The following HECW2 variants were observed in gnomAD, a reference collection of about 807,000 sequenced individuals.
The protein encoded by HECW2 is HECT, C2 and WW domain containing E3 ubiquitin protein ligase 2, also known as E3 ubiquitin-protein ligase HECW2.
A neutral mutation model predicts 175.2 loss-of-function variants in HECW2; 61 were observed. That is an observed-to-expected ratio of 0.35 (90% confidence interval 0.28 to 0.43). HECW2 has a LOEUF of 0.43. Among genes scored for constraint, HECW2 ranks in the 20% least tolerant of loss-of-function variants. The pLI, the probability that HECW2 is intolerant of heterozygous loss-of-function variation, is 1.00. For synonymous variants in HECW2, 671 were observed against 731.0 expected (o/e 0.92, Z 1.32); for missense variants, 1,524 against 2,000.5 (o/e 0.76, Z 4.54).
In HECW2 at chr2:196,228,108, T is replaced by C. The variant is rs1272408694; in HGVS notation, c.3911A>G (p.His1304Arg). The change falls in exon 22 of 29, where the codon CAT becomes CGT. Residue 1304 changes from histidine to arginine, a missense_variant. By Grantham distance (29) the His-to-Arg change is conservative. Coordinates refer to ENST00000644978, the MANE Select transcript of HECW2 (RefSeq NM_001348768.2). The part of the protein sequence containing the change: ...SPMSAFVDNH[H>R]EWFRFSGRIL... ...TTGGGGAAAAAATACTTACCATTCA[T>C]GGTGATTGTCTACAAAAGCAGACAT... 6.3e-7 allele frequency: 1 copy of C among 1,578,748 alleles called. No homozygotes were observed. Among genetic ancestry groups the C allele is most frequent in the Non-Finnish European group, 8.6e-7 (1 of 1,165,994 alleles).
chr2:196,455,969 C>T (rs1696498420), intron 1 of HECW2, among the ~76,000 whole-genome samples: 1 of 151,926 alleles, frequency 6.6e-6, no homozygotes, highest in Non-Finnish European at 1.5e-5. Context: ...GTATTCTTGA[C>T]TTCTTGTGTT....
rs201600229 is a variant in HECW2 at position 196,240,437 on chromosome 2, T to C, written c.3764+12A>G. 56 of 1,580,502 alleles carry C rather than the reference T, an allele frequency of 3.5e-5. No homozygotes were observed. In the Admixed American group the frequency reaches 8.2e-4, roughly 23 times the overall value. ...GCCTATGTTCCACAGGCCACTTCTC[T>C]GTTCTACTCACCCTTCCTCCCCAAC... On this transcript the variant is annotated intron_variant, in intron 21 of 28. Transcript: ENST00000644978.
intron 28 of HECW2, among the ~76,000 whole-genome samples, chr2:196,203,512 T>C (rs966687857): frequency 5.3e-5 from 8 of 152,150 alleles, no homozygotes; most frequent in Admixed American, 6.5e-5. Context: ...ACTGTGTGTG[T>C]CAGACAAATA....
chr2:196,580,655 A>C (rs1210116296), intron 1 of HECW2, among the ~76,000 whole-genome samples: 1 of 122,006 alleles, frequency 8.2e-6, no homozygotes, highest in Non-Finnish European at 1.7e-5. Context: ...CTACAATGGC[A>C]AAAAAAAAAA....
chr2:196,422,476 A>T (rs916956615), intron 2 of HECW2, among the ~76,000 whole-genome samples: 18 of 152,224 alleles, frequency 1.2e-4, no homozygotes, highest in East Asian at 7.7e-4. Flanking sequence ...TGGCATAATG[A>T]TAAAATGGTT....
At chr2:196,327,819 T>C (rs1692210101) in intron 5 of HECW2, among the ~76,000 whole-genome samples, 2 of 152,214 alleles carry the variant, frequency 1.3e-5, no homozygotes, top group Admixed American at 1.3e-4. Context: ...GGAAGAAATG[T>C]GTAAGGAAGA....
In HECW2 at chr2:196,242,167, G is replaced by A; in HGVS notation, c.3567C>T (p.Tyr1189=). 1.9e-6 allele frequency: 3 copies of A among 1,614,182 alleles called. No homozygotes were observed. Among genetic ancestry groups the A allele is most frequent in the Non-Finnish European group, 1.7e-6 (2 of 1,180,016 alleles). ...QRANARAPAP[Y]KRDFEAKLRN... is the part of the protein sequence containing the mutation. ...TCAGTTTGGCTTCGAAATCCCGCTT[G>A]TAAGGGGCTGGAGCCCGGGCATTGG... The change falls in exon 20 of 29, where the codon TAC becomes TAT. Residue 1189 remains tyrosine, a synonymous_variant. Coordinates refer to ENST00000644978, the MANE Select transcript of HECW2 (RefSeq NM_001348768.2).
At position 196,433,239 on chromosome 2, in the gene HECW2, G is replaced by A. The variant is rs1695768961; in HGVS notation, c.185C>T (p.Thr62Ile). The A allele has an allele frequency of 1.2e-6, 2 of 1,614,058 alleles. No homozygotes were observed. The highest frequency in any genetic ancestry group is 2.2e-5 in the South Asian group (2 of 91,086). Residue 62 changes from threonine (T) to isoleucine (I), a missense_variant, in exon 2 of 29, where the codon ACT becomes ATT. Physicochemically the swap from Thr to Ile is moderately conservative, Grantham distance 89 (BLOSUM62 -1). This residue lies in a region of HECW2 where 135 missense variants were observed against 214.6 expected (regional missense o/e 0.63). Coordinates refer to ENST00000644978, the MANE Select transcript of HECW2 (RefSeq NM_001348768.2). ...LVTSESRSSL[T>I]ASMYEYTLGQ... ...CAGCGTGTACTCGTACATGCTGGCA[G>A]TTAAGCTGGAGCGGCTCTCAGAAGT...
At chr2:196,297,121 C>T (rs955101578) in intron 13 of HECW2, among the ~76,000 whole-genome samples, 2 of 152,132 alleles carry the variant, frequency 1.3e-5, no homozygotes, top group African/African-American at 4.8e-5. Context: ...CACGTGGACT[C>T]GAGTAGTTAA....
intron 2 of HECW2, among the ~76,000 whole-genome samples, chr2:196,381,223 C>T (rs1024970346): frequency 6.6e-6 from 1 of 152,160 alleles, no homozygotes; most frequent in Non-Finnish European, 1.5e-5. Flanking sequence ...CCAATCACCC[C>T]ACATGGTTCT....
chr2:196,439,453 G>GT (rs1469504594), intron 1 of HECW2, among the ~76,000 whole-genome samples: 2 of 152,146 alleles, frequency 1.3e-5, no homozygotes, highest in African/African-American at 2.4e-5. Flanking sequence ...ATGGCTCCTG[G>GT]TTTCCAGGGC....
intron 2 of HECW2, among the ~76,000 whole-genome samples, chr2:196,410,698 A>G (rs1380921282): frequency 6.6e-6 from 1 of 152,194 alleles, no homozygotes; most frequent in Non-Finnish European, 1.5e-5. Context: ...CCATGTCACA[A>G]AATTCAATTG....
At chr2:196,553,317 A>G (rs1432272107) in intron 1 of HECW2, among the ~76,000 whole-genome samples, 1 of 152,160 alleles carries the variant, frequency 6.6e-6, no homozygotes, top group Non-Finnish European at 1.5e-5. Context: ...AAAGGCAAAA[A>G]CTTGTCTATA....
chr2:196,551,485 T>C (rs1273616015), intron 1 of HECW2, among the ~76,000 whole-genome samples: 1 of 152,260 alleles, frequency 6.6e-6, no homozygotes, highest in African/African-American at 2.4e-5. Flanking sequence ...GAAAGACTGA[T>C]ATTCATAGAC....
chr2:196,306,136 TATGAAG>T (rs749002746), intron 13 of HECW2, among the ~76,000 whole-genome samples: 4 of 152,078 alleles, frequency 2.6e-5, no homozygotes, highest in Non-Finnish European at 5.9e-5. Context: ...CCTTAGACCA[TATGAAG>T]ATGGAGGGAG....
intron 2 of HECW2, among the ~76,000 whole-genome samples, chr2:196,423,011 T>C (rs866853363): frequency 1.3e-5 from 2 of 152,160 alleles, no homozygotes; most frequent in Non-Finnish European, 2.9e-5. Context: ...TAAGTGCTTA[T>C]ATAATTTCTA....
At chr2:196,508,134 T>C (rs1687829942) in intron 1 of HECW2, among the ~76,000 whole-genome samples, 1 of 152,194 alleles carries the variant, frequency 6.6e-6, no homozygotes, top group Non-Finnish European at 1.5e-5. Flanking sequence ...TTTAAAAGAG[T>C]ACTGCTTTCT....
At chr2:196,497,490 A>G (rs1687436146) in intron 1 of HECW2, among the ~76,000 whole-genome samples, 1 of 152,170 alleles carries the variant, frequency 6.6e-6, no homozygotes, top group Non-Finnish European at 1.5e-5. Context: ...GAATTATAAG[A>G]CCAGTATTAG....
intron 19 of HECW2, among the ~76,000 whole-genome samples, chr2:196,245,243 C>T (rs1399773328): frequency 2.0e-5 from 3 of 152,204 alleles, no homozygotes; most frequent in Admixed American, 6.5e-5. Flanking sequence ...AGATGATGCA[C>T]GTTACACAGG....
Sources: gnomAD v4.1 joint callset for allele counts (sites outside exome capture counted in the v4.1 genomes callset) on GRCh38, gnomAD v4.1.1 for gene constraint, gnomAD v4.1.1 regional missense constraint, MANE v1.5 for transcripts, NCBI Gene and HGNC (gene_info 2026-07-23, HGNC 2026-07-21) for gene names.